The following ATP2B4 variants were observed in gnomAD, a reference collection of about 807,000 sequenced individuals.
ATP2B4 encodes ATPase plasma membrane Ca2+ transporting 4.
ATP2B4 carries 39 observed loss-of-function variants against 110.3 expected under a neutral mutation model. The ratio of observed to expected loss-of-function variants is 0.35; its 90% CI spans 0.27 to 0.46. The LOEUF (loss-of-function observed/expected upper bound fraction) is 0.46. ATP2B4 is among the 20% of genes least tolerant of loss of function. The pLI, the probability that ATP2B4 is intolerant of heterozygous loss-of-function variation, is 1.00. For synonymous variants in ATP2B4, 538 were observed against 571.7 expected, an observed-to-expected ratio of 0.94 and a Z score of 0.84; for missense variants, 1,135 against 1,530.9, an observed-to-expected ratio of 0.74 and a Z score of 4.32.
intron 20 of ATP2B4, chr1:203,728,436 A>G (rs1054707913): frequency 4.3e-6 from 1 of 232,138 alleles, no homozygotes; most frequent in Non-Finnish European, 8.8e-6. Flanking sequence ...TTCCATTTCA[A>G]AAACACTGTA....
At chr1:203,734,698 T>C (rs1265522109) in intron 20 of ATP2B4, among the ~76,000 whole-genome samples, 2 of 103,982 alleles carry the variant, frequency 1.9e-5, no homozygotes, top group Non-Finnish European at 3.7e-5. Flanking sequence ...AGAGTGAGAC[T>C]CCATCTCAAA....
intron 1 of ATP2B4, among the ~76,000 whole-genome samples, chr1:203,660,814 G>T (rs1432928550): frequency 6.6e-6 from 1 of 150,704 alleles, no homozygotes; most frequent in African/African-American, 2.4e-5. Flanking sequence ...AAATAAATAA[G>T]AAGAAGAGCA....
At chr1:203,699,179 G>C (rs1448617378) in intron 3 of ATP2B4, among the ~76,000 whole-genome samples, 7 of 152,180 alleles carry the variant, frequency 4.6e-5, no homozygotes, top group Non-Finnish European at 7.3e-5. Context: ...GCCTGACCAT[G>C]TTGGGAACCA....
chr1:203,699,326 C>G, intron 3 of ATP2B4, 134 bp from the exon 4 acceptor site: 3 of 1,220,698 alleles, frequency 2.5e-6, no homozygotes, highest in African/African-American at 1.5e-5. Context: ...ATATCCTCTT[C>G]CAGCCAACAG....
chr1:203,697,857 A>C (rs1026595622), intron 2 of ATP2B4, among the ~76,000 whole-genome samples: 1 of 152,038 alleles, frequency 6.6e-6, no homozygotes, highest in Non-Finnish European at 1.5e-5. Context: ...GGTGCACCAC[A>C]TCATGCCTGG....
chr1:203,699,790 G>C, intron 4 of ATP2B4, 73 bp downstream of exon 4: 1 of 1,570,474 alleles, frequency 6.4e-7, no homozygotes. Context: ...TGGCATGAGG[G>C]GGCTGGGAAT....
chr1:203,687,147 G>T (rs111774663), intron 2 of ATP2B4, among the ~76,000 whole-genome samples: 3 of 151,648 alleles, frequency 2.0e-5, no homozygotes, highest in African/African-American at 7.3e-5. Flanking sequence ...CTGGGGAGAC[G>T]GTGTTGGAAA....
intron 15 of ATP2B4, among the ~76,000 whole-genome samples, chr1:203,715,168 G>A (rs891795383): frequency 1.3e-5 from 2 of 151,580 alleles, no homozygotes; most frequent in Admixed American, 6.6e-5. Flanking sequence ...CCAGCTACTC[G>A]GGAGGCTGAG....
At chr1:203,634,671 T>C (rs781502683) in intron 1 of ATP2B4, among the ~76,000 whole-genome samples, 1 of 152,036 alleles carries the variant, frequency 6.6e-6, no homozygotes, top group Non-Finnish European at 1.5e-5. Context: ...CTTTGTTTGT[T>C]TGTTTGTTTT....
chr1:203,662,677 A>G (rs930787852), intron 1 of ATP2B4, among the ~76,000 whole-genome samples: 17 of 152,298 alleles, frequency 1.1e-4, no homozygotes, highest in African/African-American at 4.1e-4. Flanking sequence ...CATTGTATGG[A>G]TGTGCCACAC....
At chr1:203,700,684 T>C in intron 5 of ATP2B4, 114 bp from the exon 6 acceptor site, 1 of 1,410,046 alleles carries the variant, frequency 7.1e-7, no homozygotes. Flanking sequence ...GCTAAGCACA[T>C]CATTATCCAT....
chr1:203,667,728 C>T (rs761242846), intron 1 of ATP2B4, among the ~76,000 whole-genome samples: 4 of 152,192 alleles, frequency 2.6e-5, no homozygotes, highest in South Asian at 2.1e-4. Flanking sequence ...CGCATGAAGG[C>T]GAGCTCTCTT....
chr1:203,652,231 G>A (rs1489544996), intron 1 of ATP2B4, among the ~76,000 whole-genome samples: 6 of 147,768 alleles, frequency 4.1e-5, no homozygotes, highest in Admixed American at 6.8e-5. Context: ...TGCAGCCTCC[G>A]TTTCCCAGGT....
At chr1:203,674,637 C>CTTTTTT (rs57153257) in intron 1 of ATP2B4, among the ~76,000 whole-genome samples, 5 of 46,266 alleles carry the variant, frequency 1.1e-4, no homozygotes, top group African/African-American at 2.6e-4. Context: ...CCACACCTGG[C>CTTTTTT]TTTTTTTTTT....
chr1:203,704,333 G>T (rs1033926018), intron 8 of ATP2B4, among the ~76,000 whole-genome samples: 3 of 152,110 alleles, frequency 2.0e-5, no homozygotes, highest in Non-Finnish European at 4.4e-5. Flanking sequence ...CTGCATATGA[G>T]GAAGTGGCTT....
chr1:203,713,916 G>T (rs556552722), intron 14 of ATP2B4, among the ~76,000 whole-genome samples: 7 of 152,298 alleles, frequency 4.6e-5, no homozygotes, highest in Middle Eastern at 3.4e-3. Context: ...CGTGGAAATG[G>T]TGCAGTTTGA....
intron 1 of ATP2B4, among the ~76,000 whole-genome samples, chr1:203,677,790 G>T (rs1171587049): frequency 6.6e-6 from 1 of 152,148 alleles, no homozygotes; most frequent in Non-Finnish European, 1.5e-5. Context: ...ATTGTAGCTG[G>T]GTGCATTCTA....
intron 1 of ATP2B4, among the ~76,000 whole-genome samples, chr1:203,640,484 AT>A (rs571053296): frequency 5.4e-4 from 79 of 146,704 alleles, no homozygotes; most frequent in African/African-American, 5.7e-4. Context: ...TGCCCAGCTA[AT>A]TTTTTTTTTT....
chr1:203,671,863 A>G (rs956252823), intron 1 of ATP2B4, among the ~76,000 whole-genome samples: 5 of 152,226 alleles, frequency 3.3e-5, no homozygotes, highest in Non-Finnish European at 5.9e-5. Flanking sequence ...AGGTACCTCT[A>G]GAGGTTGTTC....
Sources: gnomAD v4.1 joint callset for allele counts (sites outside exome capture counted in the v4.1 genomes callset) on GRCh38, gnomAD v4.1.1 for gene constraint, MANE v1.5 for transcripts, NCBI Gene and HGNC (gene_info 2026-07-23, HGNC 2026-07-21) for gene names.